Variants in SEC22A observed in about 807,000 individuals in gnomAD.
SEC22A encodes vesicle-trafficking protein SEC22a.
SEC22A carries 22 observed loss-of-function variants against 35.3 expected under a neutral mutation model. The ratio of observed to expected loss-of-function variants is 0.62; its 90% CI spans 0.45 to 0.89. The LOEUF (loss-of-function observed/expected upper bound fraction) is 0.89. Ranked by LOEUF, SEC22A falls within the 40% of genes least tolerant of loss-of-function variation. The pLI is 0.00. For synonymous variants in SEC22A, 119 were observed against 129.5 expected, an observed-to-expected ratio of 0.92 and a Z score of 0.55; for missense variants, 354 against 362.5, an observed-to-expected ratio of 0.98 and a Z score of 0.19.
chr3:123,273,005 A>T lies in SEC22A; in HGVS notation c.*1283A>T, dbSNP rs1938206503. Reference sequence around the variant, plus strand: ...TTAATAATATAGGAAGCACAGTTGGATTCCACTAGCAAAATCTATAACTCT... The same window carrying T: ...TTAATAATATAGGAAGCACAGTTGGTTTCCACTAGCAAAATCTATAACTCT... On this transcript the variant is annotated 3_prime_UTR_variant, in exon 7 of 7. Transcript: ENST00000492595. The T allele has an allele frequency of 6.5e-6, 1 of 153,772 alleles. No homozygotes were observed. Among genetic ancestry groups the T allele is most frequent in the Non-Finnish European group, 1.5e-5 (1 of 68,036 alleles). The allele number at this position is 153,772 out of a possible 1,614,324, so 9.5% of individuals were successfully genotyped here. A position where few individuals can be genotyped will look rare whatever the true frequency, so the allele number is the denominator to read the frequency against.
At chr3:123,258,801 C>G (rs543587244) in intron 5 of SEC22A, among the ~76,000 whole-genome samples, 1 of 151,894 alleles carries the variant, frequency 6.6e-6, no homozygotes, top group Admixed American at 6.6e-5. Flanking sequence ...TGCTCCTGCC[C>G]GAACTTTATC....
intron 1 of SEC22A, among the ~76,000 whole-genome samples, chr3:123,205,684 A>G (rs964955242): frequency 3.3e-5 from 5 of 152,108 alleles, no homozygotes; most frequent in Non-Finnish European, 2.9e-5. Flanking sequence ...TTCAAAACAA[A>G]ACAAAACAAA....
chr3:123,233,018 A>G (rs893615969), intron 4 of SEC22A, among the ~76,000 whole-genome samples: 1 of 152,010 alleles, frequency 6.6e-6, no homozygotes, highest in Non-Finnish European at 1.5e-5. Context: ...TAGTCCCGGC[A>G]ACTCAGGAGG....
At chr3:123,222,451 G>A (rs1232327831) in intron 2 of SEC22A, among the ~76,000 whole-genome samples, 1 of 151,880 alleles carries the variant, frequency 6.6e-6, no homozygotes, top group Admixed American at 6.6e-5. Flanking sequence ...CGCCCACCTC[G>A]GCCTCCCAAA....
intron 2 of SEC22A, among the ~76,000 whole-genome samples, chr3:123,212,517 G>A (rs1222789019): frequency 2.6e-5 from 4 of 151,706 alleles, no homozygotes; most frequent in African/African-American, 7.3e-5. Context: ...TAGGTGTGCT[G>A]GACTTAAACT....
chr3:123,247,457 C>T (rs986584129), intron 5 of SEC22A, among the ~76,000 whole-genome samples: 4 of 152,214 alleles, frequency 2.6e-5, no homozygotes, highest in African/African-American at 9.7e-5. Context: ...TTTAAGGGAA[C>T]AGTACTTTAT....
At chr3:123,232,842 A>G (rs983136685) in intron 4 of SEC22A, among the ~76,000 whole-genome samples, 4 of 152,196 alleles carry the variant, frequency 2.6e-5, no homozygotes, top group Admixed American at 2.6e-4. Flanking sequence ...CAACGTATTT[A>G]AAAAATTAGG....
At chr3:123,246,587 T>G (rs181755053) in intron 5 of SEC22A, among the ~76,000 whole-genome samples, 2 of 152,362 alleles carry the variant, frequency 1.3e-5, no homozygotes, top group Admixed American at 1.3e-4. Context: ...TATTGCTAAC[T>G]ATTACATTTT....
At chr3:123,219,768 A>C (rs1390081093) in intron 2 of SEC22A, among the ~76,000 whole-genome samples, 2 of 152,210 alleles carry the variant, frequency 1.3e-5, no homozygotes, top group African/African-American at 4.8e-5. Context: ...TGAACACAGC[A>C]AAAGCATGCA....
At chr3:123,247,144 T>TTC (rs773237338) in intron 5 of SEC22A, among the ~76,000 whole-genome samples, 10 of 152,218 alleles carry the variant, frequency 6.6e-5, no homozygotes, top group African/African-American at 2.4e-4. Flanking sequence ...AGTTCAGTTT[T>TTC]CAGCTGTTTA....
At chr3:123,245,840 C>A in intron 4 of SEC22A, 59 bp from the exon 5 acceptor site, 1 of 924,592 alleles carries the variant, frequency 1.1e-6, no homozygotes, top group East Asian at 2.4e-5. Flanking sequence ...TCTGTTTTAC[C>A]TAAGTTCATC....
intron 1 of SEC22A, among the ~76,000 whole-genome samples, chr3:123,207,570 A>G (rs950077611): frequency 8.5e-5 from 13 of 152,236 alleles, no homozygotes; most frequent in Admixed American, 2.0e-4. Flanking sequence ...GATAGTGAAC[A>G]TGTTTTAATT....
intron 5 of SEC22A, among the ~76,000 whole-genome samples, chr3:123,254,719 C>T (rs1019976315): frequency 4.0e-5 from 6 of 150,574 alleles, no homozygotes; most frequent in Non-Finnish European, 8.9e-5. Context: ...CTCCTTTACC[C>T]TCTATTTCTT....
At chr3:123,217,550 AT>A (rs1937052594) in intron 2 of SEC22A, among the ~76,000 whole-genome samples, 1 of 151,994 alleles carries the variant, frequency 6.6e-6, no homozygotes, top group Non-Finnish European at 1.5e-5. Flanking sequence ...TTAACAGTAG[AT>A]TAGAGATGGT....
intron 5 of SEC22A, among the ~76,000 whole-genome samples, chr3:123,258,747 A>G (rs577689889): frequency 8.2e-4 from 125 of 152,270 alleles, no homozygotes; most frequent in Non-Finnish European, 1.3e-3. Context: ...AATATAAGAA[A>G]AGGGCCAAAT....
At chr3:123,235,441 CA>C (rs761376990) in intron 4 of SEC22A, among the ~76,000 whole-genome samples, 27 of 152,128 alleles carry the variant, frequency 1.8e-4, no homozygotes, top group Non-Finnish European at 3.7e-4. Context: ...TGTTCAACGT[CA>C]TAGTCATTAG....
At chr3:123,207,875 T>G (rs545970865) in intron 1 of SEC22A, among the ~76,000 whole-genome samples, 2 of 152,310 alleles carry the variant, frequency 1.3e-5, no homozygotes, top group African/African-American at 4.8e-5. Flanking sequence ...GTAAAAAGAT[T>G]GAGAACAACA....
intron 2 of SEC22A, among the ~76,000 whole-genome samples, chr3:123,219,693 C>T (rs915837354): frequency 1.3e-5 from 2 of 152,194 alleles, no homozygotes; most frequent in African/African-American, 4.8e-5. Flanking sequence ...TATTTCTCTT[C>T]TTTCTCCTCA....
chr3:123,260,375 C>G (rs537351984), intron 6 of SEC22A, among the ~76,000 whole-genome samples: 1 of 152,068 alleles, frequency 6.6e-6, no homozygotes, highest in Admixed American at 6.6e-5. Flanking sequence ...ATTATTACTA[C>G]AGGTAGAAGG....
Sources: gnomAD v4.1 joint callset for allele counts (sites outside exome capture counted in the v4.1 genomes callset) on GRCh38, gnomAD v4.1.1 for gene constraint, MANE v1.5 for transcripts, NCBI Gene and HGNC (gene_info 2026-07-23, HGNC 2026-07-21) for gene names.